MYO5B: variants seen among roughly 807,000 people sequenced by gnomAD.
The protein encoded by MYO5B is unconventional myosin-Vb.
MYO5B carries 143 observed loss-of-function variants against 229.3 expected under a neutral mutation model. The observed-to-expected ratio is 0.62, with a 90% confidence interval of 0.54 to 0.72. MYO5B has a LOEUF of 0.72. Among genes scored for constraint, MYO5B ranks in the 30% least tolerant of loss-of-function variants. The pLI is 0.00. For synonymous variants in MYO5B, 918 were observed against 885.2 expected (o/e 1.04, Z -0.66); for missense variants, 2,321 against 2,331.0 (o/e 1.00, Z 0.09).
chr18:50,027,487 A>G (rs1471297425), intron 4 of MYO5B, among the ~76,000 whole-genome samples: 1 of 152,178 alleles, frequency 6.6e-6, no homozygotes, highest in Non-Finnish European at 1.5e-5. Flanking sequence ...TAAGTGAAGG[A>G]GCTTGACCCG....
chr18:49,829,083 A>AT (rs71169455), intron 39 of MYO5B, among the ~76,000 whole-genome samples: 88,370 of 141,318 alleles, frequency 0.63, 28,323 homozygotes, highest in African/African-American at 0.76. Flanking sequence ...AAAATTGACA[A>AT]TTTTTTTTTT....
chr18:50,162,642 A>G (rs565392506), intron 1 of MYO5B, among the ~76,000 whole-genome samples: 1 of 152,340 alleles, frequency 6.6e-6, no homozygotes, highest in Admixed American at 6.5e-5. Context: ...CCTCGACCAC[A>G]TCACATTATC....
At chr18:50,147,278 C>G (rs1456332010) in intron 1 of MYO5B, among the ~76,000 whole-genome samples, 3 of 152,180 alleles carry the variant, frequency 2.0e-5, no homozygotes, top group African/African-American at 7.2e-5. Context: ...CCTTAGCTCG[C>G]TCCCTTCACC....
intron 14 of MYO5B, among the ~76,000 whole-genome samples, chr18:49,947,614 T>G (rs1039909724): frequency 1.3e-5 from 2 of 152,214 alleles, no homozygotes; most frequent in African/African-American, 4.8e-5. Flanking sequence ...GCAGTCTGTT[T>G]ATAAGCTGAC....
At chr18:50,098,350 G>T (rs1213686786) in intron 1 of MYO5B, among the ~76,000 whole-genome samples, 1 of 152,094 alleles carries the variant, frequency 6.6e-6, no homozygotes, top group Admixed American at 6.6e-5. Context: ...GGAGTTACAG[G>T]CTCCAAACTT....
At chr18:49,949,796 T>C (rs2025413357) in intron 14 of MYO5B, among the ~76,000 whole-genome samples, 2 of 152,218 alleles carry the variant, frequency 1.3e-5, no homozygotes, top group South Asian at 4.1e-4. Context: ...TGTAATGACA[T>C]AGAAACTTGT....
At chr18:49,864,065 A>C in intron 28 of MYO5B, 76 bp downstream of exon 28, 3 of 1,584,156 alleles carry the variant, frequency 1.9e-6, no homozygotes, top group Non-Finnish European at 2.6e-6. Flanking sequence ...TCGTGGGTAA[A>C]GATAATTAAA....
At chr18:50,043,379 T>TATATTAAATATTAAATATTAA (rs2030097947) in intron 2 of MYO5B, among the ~76,000 whole-genome samples, 1 of 69,322 alleles carries the variant, frequency 1.4e-5, no homozygotes, top group Non-Finnish European at 2.7e-5. Context: ...TAATATATAA[T>TATATTAAATATTAAATATTAA]ATATTAAATA....
intron 1 of MYO5B, among the ~76,000 whole-genome samples, chr18:50,176,047 A>T (rs547823794): frequency 1.3e-4 from 20 of 152,328 alleles, no homozygotes; most frequent in African/African-American, 4.8e-4. Context: ...CATTCCTCAC[A>T]TGCTATGGTT....
intron 7 of MYO5B, among the ~76,000 whole-genome samples, chr18:49,989,706 T>C (rs537728842): frequency 6.8e-4 from 104 of 152,254 alleles, no homozygotes; most frequent in African/African-American, 2.4e-3. Context: ...ATCAATAGCC[T>C]CAAAGCAAAT....
At position 49,974,615 on chromosome 18, in the gene MYO5B, G is replaced by A. The variant is rs1296460023; in HGVS notation, c.1057C>T (p.Pro353Ser). The A allele has an allele frequency of 3.1e-6, 5 of 1,612,902 alleles. No individual in the cohort carries two copies. Among genetic ancestry groups the A allele is most frequent in the Non-Finnish European group, 4.2e-6 (5 of 1,179,378 alleles). ...AAGTTGCTTAGGTATACATCCTGGG[G>A]CTGTGGGAGATGGGGGAGATAGGTT... ...ERDGDSCSIS[P>S]QDVYLSNFCR... Residue 353 changes from proline to serine, a missense_variant and splice_region_variant, in exon 10 of 40, where the codon CCC (proline) becomes TCC (serine). Coordinates refer to ENST00000285039, the MANE Select transcript of MYO5B (RefSeq NM_001080467.3).
At chr18:49,872,591 G>A (rs570454572) in intron 26 of MYO5B, among the ~76,000 whole-genome samples, 139 of 152,266 alleles carry the variant, frequency 9.1e-4, no homozygotes, top group Non-Finnish European at 1.7e-3. Flanking sequence ...TTTGCAAATA[G>A]GGTCTTTGCA....
Position 50,191,145 on chromosome 18 carries a change from G to A in MYO5B, c.27+3622C>T, listed in dbSNP as rs542499965. 3.1e-4 allele frequency among the ~76,000 whole-genome samples: 47 copies of A among 152,330 alleles called. 1 individual carries two copies. The South Asian group carries it at 8.9e-3, about 29-fold the overall frequency. Reference sequence around the variant, plus strand: ...CAGCTTGGCAAGTGGGGAGACCATGGTTAGGCAACTACACAACTGCTTCTC... The same window carrying A: ...CAGCTTGGCAAGTGGGGAGACCATGATTAGGCAACTACACAACTGCTTCTC... On this transcript the variant is annotated intron_variant, in intron 1 of 39. Coordinates refer to ENST00000285039, the MANE Select transcript of MYO5B (RefSeq NM_001080467.3).
intron 4 of MYO5B, among the ~76,000 whole-genome samples, chr18:50,023,803 G>A (rs1390662317): frequency 6.6e-6 from 1 of 152,108 alleles, no homozygotes; most frequent in African/African-American, 2.4e-5. Flanking sequence ...TTCAAAAGTG[G>A]AATGGCTGCC....
chr18:49,852,615 G>A (rs1483884974), intron 31 of MYO5B, among the ~76,000 whole-genome samples: 1 of 152,042 alleles, frequency 6.6e-6, no homozygotes, highest in Non-Finnish European at 1.5e-5. Flanking sequence ...TGAACGTGCT[G>A]CACTCTACAG....
chr18:49,953,149 T>C, intron 14 of MYO5B, 111 bp downstream of exon 14: 1 of 1,017,996 alleles, frequency 9.8e-7, no homozygotes, highest in South Asian at 1.3e-5. Flanking sequence ...GTTGGCCTCC[T>C]CCCTGCCCAG....
intron 27 of MYO5B, among the ~76,000 whole-genome samples, chr18:49,865,490 C>A (rs1281958610): frequency 6.6e-6 from 1 of 152,158 alleles, no homozygotes; most frequent in Non-Finnish European, 1.5e-5. Flanking sequence ...AGTTAAGGAT[C>A]CCCTCAGTGC....
intron 4 of MYO5B, among the ~76,000 whole-genome samples, chr18:50,017,063 T>C (rs2026223561): frequency 6.6e-6 from 1 of 152,156 alleles, no homozygotes; most frequent in African/African-American, 2.4e-5. Context: ...TTCACATAAA[T>C]GGAATGAATA....
At chr18:50,074,708 C>T (rs1282260451) in intron 1 of MYO5B, among the ~76,000 whole-genome samples, 1 of 152,160 alleles carries the variant, frequency 6.6e-6, no homozygotes, top group African/African-American at 2.4e-5. Context: ...TAATCACTTT[C>T]CACCATCCCC....
Sources: allele counts gnomAD v4.1 joint callset (sites outside exome capture counted in the v4.1 genomes callset), GRCh38; gene constraint gnomAD v4.1.1; transcripts MANE v1.5; gene names NCBI Gene and HGNC (gene_info 2026-07-23, HGNC 2026-07-21).